Variants in MBD5 observed in about 807,000 individuals in gnomAD.
MBD5 encodes the protein methyl-CpG-binding domain protein 5.
In MBD5, 13 loss-of-function variants were observed where a neutral mutation model predicts 117.3. The ratio of observed to expected loss-of-function variants is 0.11; its 90% CI spans 0.07 to 0.18. The LOEUF is 0.18. MBD5 is among the 10% of genes least tolerant of loss of function. The pLI is 1.00. For synonymous variants in MBD5, 727 were observed against 766.4 expected, an observed-to-expected ratio of 0.95 and a Z score of 0.85; for missense variants, 1,879 against 2,093.8, an observed-to-expected ratio of 0.90 and a Z score of 2.00.
In MBD5 at chr2:148,483,440, A is replaced by G. The variant is rs1681228862; in HGVS notation, c.2849A>G (p.Lys950Arg). The stretch of plus-strand genomic sequence containing the variant: ...CTCCAGCCTTCAGCAGGAGAAGGCA[A>G]GTCTGAGATCAACCTCCACCCTTTA... ...NILQPSAGEG[K>R]SEINLHPLGF... Residue 950 changes from lysine (K) to arginine (R), a missense_variant, in exon 9 of 14, where the codon AAG becomes AGG. By Grantham distance (26) the Lys-to-Arg change is conservative. This residue lies in a region of MBD5 where 1,666 missense variants were observed against 1,792.2 expected (regional missense o/e 0.93). Transcript: ENST00000642680. The G allele has an allele frequency of 6.2e-7, 1 of 1,613,980 alleles. No homozygotes were observed. Among genetic ancestry groups the G allele is most frequent in the Admixed American group, 1.7e-5 (1 of 59,998 alleles).
At chr2:148,413,248 C>T (rs781778808) in intron 4 of MBD5, among the ~76,000 whole-genome samples, 6 of 151,910 alleles carry the variant, frequency 3.9e-5, no homozygotes, top group Non-Finnish European at 7.4e-5. Flanking sequence ...TAGTTCTGTT[C>T]GTATGATAAA....
At position 148,470,192 on chromosome 2, in the gene MBD5, A is replaced by G; in HGVS notation, c.2249A>G (p.Gln750Arg). The change falls in exon 8 of 14, where the codon CAG (glutamine) becomes CGG (arginine). Residue 750 changes from glutamine to arginine, a missense_variant. Transcript: ENST00000642680. ...CCCAGTATGAACTCTAGTGTTCTTC[A>G]GAACATACCTTTAAGAGGGGAAGCC... ...TDPSMNSSVL[Q>R]NIPLRGEAVH... 1 of 1,613,878 alleles carries G rather than the reference A, an allele frequency of 6.2e-7. No individual in the cohort carries two copies.
intron 3 of MBD5, among the ~76,000 whole-genome samples, chr2:148,272,763 G>A (rs894048714): frequency 6.6e-6 from 1 of 151,938 alleles, no homozygotes; most frequent in Non-Finnish European, 1.5e-5. Context: ...TTCTTTTGCT[G>A]TACAGAAGTG....
intron 4 of MBD5, among the ~76,000 whole-genome samples, chr2:148,348,740 C>T (rs1435153334): frequency 6.6e-6 from 1 of 151,978 alleles, no homozygotes; most frequent in African/African-American, 2.4e-5. Flanking sequence ...GAAATATCCA[C>T]ATGGCTCTGT....
chr2:148,071,895 A>G (rs1471443639), intron 1 of MBD5: 2 of 152,184 alleles, frequency 1.3e-5, no homozygotes, highest in African/African-American at 4.8e-5. Flanking sequence ...GTAATCATTA[A>G]GTTTAGTTTT....
rs1256810563 is a variant in MBD5 at position 148,437,991 on chromosome 2, G to A, written c.-556-20212G>A. Among the ~76,000 whole-genome samples the A allele has an allele frequency of 2.6e-5, 4 of 152,158 alleles. No individual in the cohort carries two copies. In the East Asian group the frequency reaches 7.7e-4, roughly 29 times the overall value. ...CAAAAAGGACCTGTCTTTATTTACT[G>A]AGGAAGTTTCAACATTTTATGTACA... On this transcript the variant is annotated intron_variant, in intron 4 of 13. Transcript: ENST00000642680.
At chr2:148,270,000 T>G (rs1700945855) in intron 3 of MBD5, among the ~76,000 whole-genome samples, 1 of 152,134 alleles carries the variant, frequency 6.6e-6, no homozygotes, top group Non-Finnish European at 1.5e-5. Flanking sequence ...TATTTCATGC[T>G]TATTCTTTCT....
chr2:148,283,863 A>C (rs552610729), intron 3 of MBD5, among the ~76,000 whole-genome samples: 5 of 152,180 alleles, frequency 3.3e-5, no homozygotes, highest in African/African-American at 1.2e-4. Context: ...TTTCTTAACT[A>C]TCTTCCTAAC....
In MBD5 at chr2:148,304,157, G is replaced by A. The variant is rs533811450; in HGVS notation, c.-679-38057G>A. Among the ~76,000 whole-genome samples, 7 of 152,250 alleles carry A rather than the reference G, an allele frequency of 4.6e-5. No homozygotes were observed. The South Asian group carries it at 1.5e-3, about 32-fold the overall frequency. On this transcript the variant is annotated intron_variant, in intron 3 of 13. Transcript: ENST00000642680. Reference sequence around the variant, plus strand: ...GTAAGTAGTAATAATAATAATAGCAGCTAACACTTAAACAGTATTTACTGT... The same window carrying A: ...GTAAGTAGTAATAATAATAATAGCAACTAACACTTAAACAGTATTTACTGT...
intron 4 of MBD5, among the ~76,000 whole-genome samples, chr2:148,433,700 T>C (rs1706064327): frequency 6.6e-6 from 1 of 152,142 alleles, no homozygotes; most frequent in South Asian, 2.1e-4. Context: ...GGGATGGAGC[T>C]TTCTTGATCG....
chr2:148,208,225 A>G (rs770999003), intron 2 of MBD5, among the ~76,000 whole-genome samples: 2 of 152,094 alleles, frequency 1.3e-5, no homozygotes, highest in East Asian at 3.8e-4. Context: ...TTTCCCCTAT[A>G]TACCTACTTT....
At chr2:148,121,340 A>G (rs750907749) in intron 1 of MBD5, among the ~76,000 whole-genome samples, 3 of 152,136 alleles carry the variant, frequency 2.0e-5, no homozygotes, top group Admixed American at 6.5e-5. Context: ...TTTCACATGT[A>G]TAGCCTTTTT....
intron 4 of MBD5, among the ~76,000 whole-genome samples, chr2:148,439,121 C>T (rs981881113): frequency 3.3e-5 from 5 of 152,116 alleles, no homozygotes; most frequent in African/African-American, 4.8e-5. Context: ...AACTATCTGA[C>T]GTACAAGTGA....
At chr2:148,313,975 G>C (rs1559018167) in intron 3 of MBD5, among the ~76,000 whole-genome samples, 1 of 151,788 alleles carries the variant, frequency 6.6e-6, no homozygotes. Context: ...TGCACCCACT[G>C]TCTGACCAAT....
chr2:148,456,383 C>T (rs192151479), intron 4 of MBD5, among the ~76,000 whole-genome samples: 64 of 152,214 alleles, frequency 4.2e-4, no homozygotes, highest in African/African-American at 1.5e-3. Context: ...AATCATCTCC[C>T]AAAGGCTCTA....
intron 1 of MBD5, among the ~76,000 whole-genome samples, chr2:148,109,337 A>G (rs1696452171): frequency 6.6e-6 from 1 of 152,206 alleles, no homozygotes; most frequent in African/African-American, 2.4e-5. Flanking sequence ...AAGAATTTAT[A>G]AAAATAGATA....
intron 3 of MBD5, among the ~76,000 whole-genome samples, chr2:148,285,920 T>G (rs1014538100): frequency 1.3e-5 from 2 of 152,188 alleles, no homozygotes; most frequent in Non-Finnish European, 2.9e-5. Flanking sequence ...TTAAAGTGAT[T>G]TTATATATCA....
At chr2:148,218,577 A>G (rs1699611753) in intron 2 of MBD5, among the ~76,000 whole-genome samples, 2 of 152,116 alleles carry the variant, frequency 1.3e-5, no homozygotes, top group Non-Finnish European at 2.9e-5. Flanking sequence ...TTGTTAGGCA[A>G]TTTCCTCATT....
chr2:148,352,792 G>C (rs1156637069), intron 4 of MBD5, among the ~76,000 whole-genome samples: 1 of 151,982 alleles, frequency 6.6e-6, no homozygotes, highest in Non-Finnish European at 1.5e-5. Flanking sequence ...CAGATTTTTG[G>C]AAGTTTTGGA....
Sources: gnomAD v4.1 joint callset for allele counts (sites outside exome capture counted in the v4.1 genomes callset) on GRCh38, gnomAD v4.1.1 for gene constraint, gnomAD v4.1.1 regional missense constraint, MANE v1.5 for transcripts, NCBI Gene and HGNC (gene_info 2026-07-23, HGNC 2026-07-21) for gene names.